METTL9: variants seen among roughly 807,000 people sequenced by gnomAD.
METTL9 encodes methyltransferase 9, His-X-His N1(pi)-histidine.
A neutral mutation model predicts 36.0 loss-of-function variants in METTL9; 10 were observed. The observed-to-expected ratio is 0.28, with a 90% CI of 0.17 to 0.47. METTL9 has a LOEUF of 0.47. METTL9 is among the 20% of genes least tolerant of loss of function. The pLI is 0.99. For missense variants in METTL9, 246 were observed against 383.5 expected (o/e 0.64, Z 3.00); for synonymous variants, 175 against 149.7 (o/e 1.17, Z -1.23).
intron 4 of METTL9, chr16:21,639,920 C>T (rs1269458687): frequency 6.8e-6 from 1 of 147,448 alleles, no homozygotes; most frequent in African/African-American, 2.4e-5. Flanking sequence ...AAAAGAAACA[C>T]TTTATTTTAT....
rs192173628 is a variant in METTL9 at position 21,656,049 on chromosome 16, G to C, written c.*617G>C. 2.0e-5 allele frequency: 3 copies of C among 151,606 alleles called. No homozygotes were observed. The highest frequency in any genetic ancestry group is 6.6e-5 in the Admixed American group (1 of 15,206). 9.4% of individuals were successfully genotyped at this position (151,606 alleles called of 1,614,324 possible). On this transcript the variant is annotated 3_prime_UTR_variant, in exon 5 of 5. Coordinates refer to ENST00000358154, the MANE Select transcript of METTL9 (RefSeq NM_016025.5). ...AGAATGACGCAGACAATTTGAATAGGGGGGAAGGAAGGCTTCAGACTTGGG... is the reference window on the plus strand; with the variant it reads ...AGAATGACGCAGACAATTTGAATAGCGGGGAAGGAAGGCTTCAGACTTGGG...
At chr16:21,640,109 T>C (rs2141607457) in intron 4 of METTL9, 1 of 149,500 alleles carries the variant, frequency 6.7e-6, no homozygotes, top group East Asian at 2.0e-4. Flanking sequence ...CGCTAAATTT[T>C]TTTGTATTTT....
At chr16:21,632,487 T>C (rs1965987869) in intron 4 of METTL9, among the ~76,000 whole-genome samples, 1 of 152,140 alleles carries the variant, frequency 6.6e-6, no homozygotes, top group Non-Finnish European at 1.5e-5. Context: ...TTCTAAGAGA[T>C]CATCTCGGGC....
intron 4 of METTL9, among the ~76,000 whole-genome samples, chr16:21,625,669 A>C (rs1163826096): frequency 1.3e-5 from 2 of 152,116 alleles, no homozygotes; most frequent in Admixed American, 6.5e-5. Context: ...TTGAATGAAG[A>C]ATATGTTAGA....
At chr16:21,623,844 C>T (rs569838985) in intron 3 of METTL9, among the ~76,000 whole-genome samples, 1 of 152,216 alleles carries the variant, frequency 6.6e-6, no homozygotes, top group East Asian at 1.9e-4. Context: ...GATCTCGGCT[C>T]ACTGCAGCCT....
chr16:21,655,750 C>T lies in METTL9; in HGVS notation c.*318C>T, dbSNP rs1966692431. 2 of 239,898 alleles carry T rather than the reference C, an allele frequency of 8.3e-6. No homozygotes were observed. The highest frequency in any genetic ancestry group is 1.6e-5 in the Non-Finnish European group (2 of 122,992). 14.9% of individuals were successfully genotyped at this position (239,898 alleles called of 1,614,324 possible). ...AGTAGGGACTCATTCCCAGACAAAG[C>T]AATAGTCACGACTTCATGGAACCAA... On this transcript the variant is annotated 3_prime_UTR_variant, in exon 5 of 5. Coordinates refer to ENST00000358154, the MANE Select transcript of METTL9 (RefSeq NM_016025.5).
intron 2 of METTL9, among the ~76,000 whole-genome samples, chr16:21,616,322 G>A (rs1403268023): frequency 2.0e-5 from 3 of 152,144 alleles, no homozygotes; most frequent in African/African-American, 7.2e-5. Context: ...CAGCTCCTGG[G>A]CTCCCAACCT....
intron 1 of METTL9, among the ~76,000 whole-genome samples, chr16:21,602,576 G>T (rs572954651): frequency 5.3e-5 from 8 of 152,044 alleles, no homozygotes; most frequent in African/African-American, 1.9e-4. Context: ...TTTTTAAATG[G>T]TTACCAAGAA....
At chr16:21,604,993 A>G (rs924625000) in intron 1 of METTL9, among the ~76,000 whole-genome samples, 9 of 152,084 alleles carry the variant, frequency 5.9e-5, no homozygotes, top group African/African-American at 9.7e-5. Context: ...CTGGCCTTCT[A>G]TTGTGTGCCA....
intron 4 of METTL9, chr16:21,647,059 T>C: frequency 6.3e-7 from 1 of 1,589,294 alleles, no homozygotes; most frequent in Non-Finnish European, 8.6e-7. Flanking sequence ...GATTTCTACA[T>C]GTGAGTGAGG....
At chr16:21,601,123 C>T (rs1965114615) in intron 1 of METTL9, among the ~76,000 whole-genome samples, 1 of 152,092 alleles carries the variant, frequency 6.6e-6, no homozygotes, top group African/African-American at 2.4e-5. Context: ...TTTTTGAAAG[C>T]CTCCAGCCAT....
chr16:21,644,385 G>A lies in METTL9; in HGVS notation c.752-10842G>A, dbSNP rs758042522. ...AGGAAGCTCCGCAGTTCCTTGCTGA[G>A]CAGCTTAATTTCTTAATGACAAAAA... On this transcript the variant is annotated intron_variant, in intron 4 of 4. Coordinates refer to ENST00000358154, the MANE Select transcript of METTL9 (RefSeq NM_016025.5). 2.5e-6 allele frequency: 4 copies of A among 1,612,258 alleles called. No homozygotes were observed. In the South Asian group the frequency reaches 3.3e-5, roughly 13 times the overall value.
In METTL9 at chr16:21,647,081, C is replaced by T. The variant is rs749263205; in HGVS notation, c.752-8146C>T. On this transcript the variant is annotated intron_variant, in intron 4 of 4. Transcript: ENST00000358154. ...ACATGTGAGTGAGGTAATGATTTTA[C>T]AGGCCTGAACAAGATGCAATGATGC... 3.1e-6 allele frequency: 5 copies of T among 1,612,494 alleles called. 1 individual carries two copies. In the South Asian group the frequency reaches 4.4e-5, roughly 14 times the overall value.
intron 4 of METTL9, chr16:21,641,591 C>T (rs1161985210): frequency 6.4e-7 from 1 of 1,564,098 alleles, no homozygotes; most frequent in Non-Finnish European, 8.8e-7. Context: ...TGTTATCTTT[C>T]TCCTGCAATA....
chr16:21,646,953 C>A, intron 4 of METTL9: 1 of 771,290 alleles, frequency 1.3e-6, no homozygotes, highest in Non-Finnish European at 2.2e-6. Flanking sequence ...CACGCCCAGC[C>A]AGTTGGAGTA....
In METTL9 at chr16:21,657,262, C is replaced by G. The variant is rs925565524; in HGVS notation, c.*1830C>G. 2.6e-5 allele frequency: 4 copies of G among 152,056 alleles called. No homozygotes were observed. Among genetic ancestry groups the G allele is most frequent in the African/African-American group, 9.7e-5 (4 of 41,372 alleles). 9.4% of individuals were successfully genotyped at this position (152,056 alleles called of 1,614,324 possible). A position where few individuals can be genotyped will look rare whatever the true frequency, so the allele number is the denominator to read the frequency against. ...GTTTCTCAAAAAAATCTGAAGTTCTCTGAAAACCAGCTTATTAAAAGTGCT... is the reference window on the plus strand; with the variant it reads ...GTTTCTCAAAAAAATCTGAAGTTCTGTGAAAACCAGCTTATTAAAAGTGCT... On this transcript the variant is annotated 3_prime_UTR_variant, in exon 5 of 5. Transcript: ENST00000358154.
At position 21,612,792 on chromosome 16, in the gene METTL9, T is replaced by A; in HGVS notation, c.313T>A (p.Ser105Thr). 6.2e-7 allele frequency: 1 copy of A among 1,612,226 alleles called. No individual in the cohort carries two copies. The highest frequency in any genetic ancestry group is 8.5e-7 in the Non-Finnish European group (1 of 1,179,484). ...LFIQLYHSFV[S>T]SVFSLFMSRT... ...TATCCAATTATATCATTCTTTTGTGTCATCTGTTTTTAGCCTGTTTATGTC... is the reference window on the plus strand; with the variant it reads ...TATCCAATTATATCATTCTTTTGTGACATCTGTTTTTAGCCTGTTTATGTC... The change falls in exon 2 of 5, where the codon TCA becomes ACA. Residue 105 changes from serine (S) to threonine (T), a missense_variant. By Grantham distance (58) the Ser-to-Thr change is moderately conservative (BLOSUM62 1). Around this residue, in one of 2 missense-constraint regions of METTL9, gnomAD observed 146 missense variants for 302.1 expected, o/e 0.48. Transcript: ENST00000358154.
chr16:21,629,701 A>G (rs1597764386), intron 4 of METTL9, among the ~76,000 whole-genome samples: 1 of 152,158 alleles, frequency 6.6e-6, no homozygotes, highest in African/African-American at 2.4e-5. Flanking sequence ...CAAAGAACGA[A>G]AGAACAAAGC....
chr16:21,624,496 G>T (rs1965776257), intron 3 of METTL9, among the ~76,000 whole-genome samples: 1 of 152,122 alleles, frequency 6.6e-6, no homozygotes, highest in Non-Finnish European at 1.5e-5. Flanking sequence ...GGAGGCCGAG[G>T]CAGTCGGATC....
Sources: gnomAD v4.1 joint callset for allele counts (sites outside exome capture counted in the v4.1 genomes callset) on GRCh38, gnomAD v4.1.1 for gene constraint, gnomAD v4.1.1 regional missense constraint, MANE v1.5 for transcripts, NCBI Gene and HGNC (gene_info 2026-07-23, HGNC 2026-07-21) for gene names.